The following ANKRD11 variants were observed in gnomAD, a reference collection of about 807,000 sequenced individuals.
ANKRD11 encodes the protein ankyrin repeat domain-containing protein 11.
A neutral mutation model predicts 195.7 loss-of-function variants in ANKRD11; 17 were observed. The observed-to-expected ratio is 0.09, with a 90% CI of 0.06 to 0.13. ANKRD11 has a LOEUF of 0.13. Among genes scored for constraint, ANKRD11 ranks in the 10% least tolerant of loss-of-function variants. The pLI, the probability that ANKRD11 is intolerant of heterozygous loss-of-function variation, is 1.00. For missense variants in ANKRD11, 3,735 were observed against 3,566.1 expected (o/e 1.05, Z -1.21); for synonymous variants, 1,953 against 1,528.1 (o/e 1.28, Z -6.49).
At chr16:89,304,555 C>T (rs778676020) in intron 4 of ANKRD11, among the ~76,000 whole-genome samples, 8 of 151,490 alleles carry the variant, frequency 5.3e-5, no homozygotes, top group Non-Finnish European at 8.8e-5. Context: ...AGCACATACA[C>T]GGGCACACAC....
chr16:89,435,328 G>A (rs755007232), intron 1 of ANKRD11, among the ~76,000 whole-genome samples: 21 of 152,158 alleles, frequency 1.4e-4, no homozygotes, highest in South Asian at 2.1e-4. Flanking sequence ...GGGCAGGGCC[G>A]AATAAGGGAA....
At chr16:89,309,005 G>A (rs2036461857) in intron 3 of ANKRD11, among the ~76,000 whole-genome samples, 1 of 152,156 alleles carries the variant, frequency 6.6e-6, no homozygotes, top group African/African-American at 2.4e-5. Flanking sequence ...AATAAGACTG[G>A]GCTCAATCCC....
Position 89,284,303 on chromosome 16 carries a change from A to G in ANKRD11, c.2239T>C (p.Ser747Pro), listed in dbSNP as rs142059753. 16 of 1,612,816 alleles carry G rather than the reference A, an allele frequency of 9.9e-6. No homozygotes were observed. In the African/African-American group the frequency reaches 2.0e-4, roughly 20 times the overall value. The stretch of plus-strand genomic sequence containing the variant: ...TCTTTCGGAGACTTTTCCTTCAGCG[A>G]TCTCTCCTTTTCTGCTTTATTCGAA... ...DRSNKAEKER[S>P]LKEKSPKEEK... Residue 747 changes from serine (S) to proline (P), a missense_variant, in exon 9 of 13, where the codon TCG (serine) becomes CCG (proline). Coordinates refer to ENST00000301030, the MANE Select transcript of ANKRD11 (RefSeq NM_013275.6).
intron 9 of ANKRD11, chr16:89,277,537 A>ACAGAAGGT (rs1184890925): frequency 6.6e-6 from 1 of 152,304 alleles, no homozygotes; most frequent in Non-Finnish European, 1.5e-5. Context: ...AACAAAAAGC[A>ACAGAAGGT]CAGAAGGTCA....
intron 2 of ANKRD11, among the ~76,000 whole-genome samples, chr16:89,352,524 C>T (rs2039269844): frequency 6.6e-6 from 1 of 152,198 alleles, no homozygotes; most frequent in African/African-American, 2.4e-5. Context: ...AAGCTCAACA[C>T]AGTGAGCGAG....
intron 11 of ANKRD11, 58 bp from the exon 12 acceptor site, chr16:89,270,967 C>T: frequency 2.6e-6 from 4 of 1,553,334 alleles, no homozygotes; most frequent in Non-Finnish European, 3.5e-6. Context: ...TACGGGAAGG[C>T]ATGCCAGCCT....
At chr16:89,449,912 C>A (rs1567822225) in intron 1 of ANKRD11, among the ~76,000 whole-genome samples, 1 of 152,204 alleles carries the variant, frequency 6.6e-6, no homozygotes, top group Non-Finnish European at 1.5e-5. Context: ...CTGAAGAATG[C>A]AGTCCTGGCT....
chr16:89,480,255 T>C (rs570929222), intron 1 of ANKRD11, among the ~76,000 whole-genome samples: 3 of 152,068 alleles, frequency 2.0e-5, no homozygotes, highest in African/African-American at 7.2e-5. Flanking sequence ...GGCGGGTGGA[T>C]CACAAGGTCA....
chr16:89,399,204 G>A lies in ANKRD11; in HGVS notation c.-60+19080C>T, dbSNP rs138115322. ...ATCAAGACAAGTCAGAGGCAGAACC[G>A]AGTTCAGGGGCCAGTGGCTGGCTTT... On this transcript the variant is annotated intron_variant, in intron 2 of 12. Transcript: ENST00000301030. 9.2e-3 allele frequency among the ~76,000 whole-genome samples: 1,403 copies of A among 152,258 alleles called. 23 individuals carry two copies. Among genetic ancestry groups the A allele is most frequent in the Non-Finnish European group, 8.4e-3 (573 of 68,016 alleles).
intron 2 of ANKRD11, among the ~76,000 whole-genome samples, chr16:89,346,054 C>T (rs938863872): frequency 6.6e-6 from 1 of 150,962 alleles, no homozygotes; most frequent in African/African-American, 2.4e-5. Flanking sequence ...CCAGGCTGGC[C>T]AACATGGAAT....
At chr16:89,367,809 G>A (rs2040013567) in intron 2 of ANKRD11, among the ~76,000 whole-genome samples, 1 of 152,110 alleles carries the variant, frequency 6.6e-6, no homozygotes, top group Admixed American at 6.6e-5. Flanking sequence ...AAAGCAGGTG[G>A]GGAGCCTGGG....
intron 2 of ANKRD11, chr16:89,320,070 G>T (rs2037211876): frequency 6.6e-6 from 1 of 152,294 alleles, no homozygotes; most frequent in South Asian, 2.1e-4. Context: ...GCACTCAGGA[G>T]TCAGGCCAAC....
chr16:89,481,900 A>T (rs1395303659), intron 1 of ANKRD11, among the ~76,000 whole-genome samples: 1 of 151,954 alleles, frequency 6.6e-6, no homozygotes, highest in Non-Finnish European at 1.5e-5. Flanking sequence ...TTTTTTTAAA[A>T]CAGAAACATA....
chr16:89,447,868 A>T (rs1359294888), intron 1 of ANKRD11, among the ~76,000 whole-genome samples: 1 of 149,202 alleles, frequency 6.7e-6, no homozygotes, highest in African/African-American at 2.5e-5. Context: ...GCACTGGCAC[A>T]ATCTCAGCTC....
intron 2 of ANKRD11, among the ~76,000 whole-genome samples, chr16:89,409,997 G>A (rs1202686855): frequency 1.3e-5 from 2 of 151,934 alleles, no homozygotes; most frequent in Admixed American, 6.6e-5. Context: ...CCGCCACCAC[G>A]CCCGGCTAAT....
chr16:89,449,109 G>A (rs538134626), intron 1 of ANKRD11, among the ~76,000 whole-genome samples: 4 of 152,020 alleles, frequency 2.6e-5, no homozygotes, highest in African/African-American at 7.2e-5. Context: ...CCAGCATGTT[G>A]GGAGGCTGAG....
chr16:89,289,263 A>T (rs1430101181), intron 6 of ANKRD11, among the ~76,000 whole-genome samples: 4 of 152,030 alleles, frequency 2.6e-5, no homozygotes, highest in Admixed American at 2.6e-4. Context: ...TGCTCTAGAG[A>T]AGTTTCTTTT....
At chr16:89,353,524 C>G (rs2039320143) in intron 2 of ANKRD11, among the ~76,000 whole-genome samples, 1 of 151,842 alleles carries the variant, frequency 6.6e-6, no homozygotes, top group East Asian at 2.0e-4. Context: ...GTCACCCAGG[C>G]TGGAGTACAG....
At chr16:89,457,776 C>G (rs1465250993) in intron 1 of ANKRD11, among the ~76,000 whole-genome samples, 1 of 152,044 alleles carries the variant, frequency 6.6e-6, no homozygotes, top group Non-Finnish European at 1.5e-5. Context: ...TCAAAACTGT[C>G]AAACTCATCC....
Sources: allele counts gnomAD v4.1 joint callset (sites outside exome capture counted in the v4.1 genomes callset), GRCh38; gene constraint gnomAD v4.1.1; transcripts MANE v1.5; gene names NCBI Gene and HGNC (gene_info 2026-07-23, HGNC 2026-07-21).